TRAF1: variants seen among roughly 807,000 people sequenced by gnomAD.
TRAF1 encodes TNF receptor-associated factor 1.
Under a neutral mutation model 40.9 loss-of-function variants are expected in TRAF1, and 23 were observed. The observed-to-expected ratio is 0.56, with a 90% CI of 0.40 to 0.80. The LOEUF is 0.80. Among genes scored for constraint, TRAF1 ranks in the 30% least tolerant of loss-of-function variants. The pLI is 0.00. For synonymous variants in TRAF1, 206 were observed against 218.8 expected (o/e 0.94, Z 0.52); for missense variants, 477 against 528.7 (o/e 0.90, Z 0.96).
intron 2 of TRAF1, 143 bp from the exon 3 acceptor site, chr9:120,923,935 G>A (rs754241914): frequency 2.0e-5 from 16 of 792,200 alleles, no homozygotes; most frequent in Middle Eastern, 3.0e-4. Context: ...TTCCTAAATC[G>A]CAAAACTGCC....
chr9:120,911,208 TGAATGG>T (rs1245208771), intron 6 of TRAF1, 122 bp downstream of exon 6: 1 of 1,105,360 alleles, frequency 9.0e-7, no homozygotes, highest in Non-Finnish European at 1.3e-6. Context: ...GTGAGTGGCC[TGAATGG>T]GCACTGGCCT....
chr9:120,913,192 G>T, intron 5 of TRAF1, 136 bp downstream of exon 5: 1 of 1,116,704 alleles, frequency 9.0e-7, no homozygotes, highest in Non-Finnish European at 1.2e-6. Context: ...GGAAGGGTGT[G>T]GGATAAAGGG....
chr9:120,911,287 G>A, intron 6 of TRAF1, 49 bp downstream of exon 6: 4 of 1,588,562 alleles, frequency 2.5e-6, no homozygotes, highest in Non-Finnish European at 3.4e-6. Flanking sequence ...CCTGGGTCCT[G>A]TGGGGCCTGT....
chr9:120,918,355 A>G (rs2046582643), intron 3 of TRAF1, among the ~76,000 whole-genome samples: 1 of 152,040 alleles, frequency 6.6e-6, no homozygotes, highest in African/African-American at 2.4e-5. Context: ...ATAATGGCTC[A>G]TATTTATTGA....
intron 3 of TRAF1, among the ~76,000 whole-genome samples, chr9:120,920,449 C>T (rs181086214): frequency 1.4e-5 from 2 of 145,216 alleles, no homozygotes; most frequent in Non-Finnish European, 3.0e-5. Context: ...TGAGTCTAGA[C>T]AAATTAAGGC....
intron 3 of TRAF1, among the ~76,000 whole-genome samples, chr9:120,922,177 C>T (rs982769229): frequency 1.1e-4 from 16 of 152,156 alleles, no homozygotes; most frequent in Non-Finnish European, 8.8e-5. Flanking sequence ...CTCAGGGCCC[C>T]GTGTGTAAAC....
intron 3 of TRAF1, chr9:120,914,720 T>C: frequency 9.2e-6 from 3 of 327,572 alleles, no homozygotes; most frequent in Non-Finnish European, 1.3e-5. Context: ...CTGAAGTTCA[T>C]GGGGAATCTT....
At chr9:120,910,296 G>A (rs2046516526) in intron 6 of TRAF1, among the ~76,000 whole-genome samples, 1 of 152,126 alleles carries the variant, frequency 6.6e-6, no homozygotes, top group Non-Finnish European at 1.5e-5. Flanking sequence ...AGGGCTCGAG[G>A]CCACCCCATG....
chr9:120,914,750 G>A (rs2046557807), intron 3 of TRAF1, among the ~76,000 whole-genome samples: 1 of 152,126 alleles, frequency 6.6e-6, no homozygotes, highest in Non-Finnish European at 1.5e-5. Flanking sequence ...ATTCCCATCT[G>A]CATCCCTCCT....
chr9:120,913,277 A>G (rs554696129), intron 5 of TRAF1, 51 bp downstream of exon 5: 1 of 1,539,980 alleles, frequency 6.5e-7, no homozygotes, highest in African/African-American at 1.4e-5. Flanking sequence ...CGCTCTGGAG[A>G]CAGGATGGGG....
In TRAF1 at chr9:120,913,350, C is replaced by A. The variant is rs373510970; in HGVS notation, c.683G>T (p.Arg228Leu). The change falls in exon 5 of 8, where the codon CGC becomes CTC. Residue 228 changes from arginine (R) to leucine (L), a missense_variant. Coordinates refer to ENST00000373887, the MANE Select transcript of TRAF1 (RefSeq NM_005658.5). ...CACCCTCTGCTCCAAGCTCAGGATG[C>A]GCTCACGGTCCAGCTGGCTCTGGTG... ...SIHQSQLDRERILSLEQRVVE... is the reference protein window; with the variant it reads ...SIHQSQLDRELILSLEQRVVE... The A allele has an allele frequency of 3.7e-6, 6 of 1,610,178 alleles. No homozygotes were observed. The highest frequency in any genetic ancestry group is 1.3e-5 in the African/African-American group (1 of 74,846).
At chr9:120,915,591 G>A (rs1280881038) in intron 3 of TRAF1, among the ~76,000 whole-genome samples, 3 of 152,158 alleles carry the variant, frequency 2.0e-5, no homozygotes, top group Non-Finnish European at 2.9e-5. Context: ...TCAACACTTT[G>A]GGAGGCTGAG....
chr9:120,904,911 G>C lies in TRAF1; in HGVS notation c.*109C>G. ...CCTCAGTCTTGCTTGGATCATGCCA[G>C]CCTTCACCCATCTTTGTGCCCTGAG... On this transcript the variant is annotated 3_prime_UTR_variant, in exon 8 of 8. Coordinates refer to ENST00000373887, the MANE Select transcript of TRAF1 (RefSeq NM_005658.5). The C allele has an allele frequency of 8.7e-7, 1 of 1,147,488 alleles. No individual in the cohort carries two copies. Among genetic ancestry groups the C allele is most frequent in the Middle Eastern group, 2.9e-4 (1 of 3,470 alleles). The allele number at this position is 1,147,488 out of a possible 1,614,324, so 71.1% of individuals were successfully genotyped here. A position where few individuals can be genotyped will look rare whatever the true frequency, so the allele number is the denominator to read the frequency against.
chr9:120,928,925 C>CGGGGCGCCCGCGGCTGGGCT (rs2046657933), upstream of TRAF1, among the ~76,000 whole-genome samples: 1 of 152,124 alleles, frequency 6.6e-6, no homozygotes, highest in African/African-American at 2.4e-5. Flanking sequence ...CCTGCGGGGC[C>CGGGGCGCCCGCGGCTGGGCT]GGGGCGCCCG....
At chr9:120,905,941 G>A (rs928846489) in intron 7 of TRAF1, among the ~76,000 whole-genome samples, 1 of 152,116 alleles carries the variant, frequency 6.6e-6, no homozygotes, top group Non-Finnish European at 1.5e-5. Context: ...TATCACTTAC[G>A]GGGGTGAGAT....
At position 120,905,104 on chromosome 9, in the gene TRAF1, G is replaced by A. The variant is rs1480981280; in HGVS notation, c.1167C>T (p.Pro389=). ...GCTTGGGTGACTGCAGTTTGCTGAG[G>A]GGGAAGAAGAGTGGGCATCCACTGG... is the stretch of plus-strand genomic sequence containing the variant. ...NVASGCPLFF[P]LSKLQSPKHA... is the part of the protein sequence containing the mutation. The change falls in exon 8 of 8, where the codon CCC becomes CCT. Residue 389 remains proline, a synonymous_variant. Coordinates refer to ENST00000373887, the MANE Select transcript of TRAF1 (RefSeq NM_005658.5). The A allele has an allele frequency of 1.2e-6, 2 of 1,614,158 alleles. No homozygotes were observed. Among genetic ancestry groups the A allele is most frequent in the Non-Finnish European group, 1.7e-6 (2 of 1,180,058 alleles).
rs527558013 is a variant in TRAF1, at chr9:120,904,788, A to C, written c.*232T>G. ...TCCCAGTGTCGCATGGTCCGTGCAG[A>C]GGGGAGCAGCTCTGCCTGTCTCCTT... On this transcript the variant is annotated 3_prime_UTR_variant, in exon 8 of 8. Transcript: ENST00000373887. 108 of 576,592 alleles carry C rather than the reference A, an allele frequency of 1.9e-4. 2 individuals are homozygous for C. In the South Asian group the frequency reaches 2.1e-3, roughly 11 times the overall value. The allele number at this position is 576,592 out of a possible 1,614,324, so 35.7% of individuals were successfully genotyped here.
chr9:120,907,806 C>T (rs940259665), intron 7 of TRAF1, among the ~76,000 whole-genome samples: 1 of 152,190 alleles, frequency 6.6e-6, no homozygotes, highest in Non-Finnish European at 1.5e-5. Context: ...GAAGAGTGGG[C>T]AGCCACTGGC....
chr9:120,902,578 G>A lies in TRAF1; in HGVS notation c.*2442C>T, dbSNP rs2046446693. 1 of 151,742 alleles carries A rather than the reference G, an allele frequency of 6.6e-6. No homozygotes were observed. The highest frequency in any genetic ancestry group is 2.4e-5 in the African/African-American group (1 of 41,234). The allele number at this position is 151,742 out of a possible 1,614,324, so 9.4% of individuals were successfully genotyped here. On this transcript the variant is annotated 3_prime_UTR_variant, in exon 8 of 8. Coordinates refer to ENST00000373887, the MANE Select transcript of TRAF1 (RefSeq NM_005658.5). ...ACACTCCAGTTCATCTGACCCTTCTGACTCCCTCCCCCATCCTGCCACACA... is the reference window on the plus strand; with the variant it reads ...ACACTCCAGTTCATCTGACCCTTCTAACTCCCTCCCCCATCCTGCCACACA...
Sources: gnomAD v4.1 joint callset for allele counts (sites outside exome capture counted in the v4.1 genomes callset) on GRCh38, gnomAD v4.1.1 for gene constraint, MANE v1.5 for transcripts, NCBI Gene and HGNC (gene_info 2026-07-23, HGNC 2026-07-21) for gene names.